The following FHIT variants were observed in gnomAD, a reference collection of about 807,000 sequenced individuals.
FHIT encodes fragile histidine triad diadenosine triphosphatase, also known as bis(5'-adenosyl)-triphosphatase.
FHIT carries 19 observed loss-of-function variants against 17.9 expected under a neutral mutation model. That is an observed-to-expected ratio of 1.06 (90% CI 0.74 to 1.56). The LOEUF is 1.56. Ranked by LOEUF, FHIT falls within the 40% of genes most tolerant of loss-of-function variation. FHIT has a pLI of 0.00. For synonymous variants in FHIT, 81 were observed against 69.7 expected (o/e 1.16, Z -0.81); for missense variants, 248 against 189.2 (o/e 1.31, Z -1.82).
At chr3:61,115,057 C>T (rs935604661) in intron 2 of FHIT, among the ~76,000 whole-genome samples, 14 of 152,170 alleles carry the variant, frequency 9.2e-5, no homozygotes, top group African/African-American at 2.4e-4. Flanking sequence ...CCTTTCCATC[C>T]GGAACAGATA....
chr3:60,623,200 T>C (rs1186473858), intron 4 of FHIT, among the ~76,000 whole-genome samples: 7 of 152,354 alleles, frequency 4.6e-5, no homozygotes, highest in Admixed American at 4.6e-4. Flanking sequence ...ATTGCGTGGC[T>C]GATCTATTTG....
rs1479977944 is a variant in FHIT at position 59,934,895 on chromosome 3, C to T, written c.280-12481G>A. 5.9e-5 allele frequency among the ~76,000 whole-genome samples: 9 copies of T among 152,264 alleles called. 1 individual carries two copies. The East Asian group carries it at 1.7e-3, about 29-fold the overall frequency. ...TGACACATGGGGATTATGGGAACTACAATTCAAGATGAGATTTGGGTGCGG... is the reference window on the plus strand; with the variant it reads ...TGACACATGGGGATTATGGGAACTATAATTCAAGATGAGATTTGGGTGCGG... On this transcript the variant is annotated intron_variant, in intron 7 of 9. Transcript: ENST00000492590.
intron 5 of FHIT, among the ~76,000 whole-genome samples, chr3:60,405,063 G>C (rs1701801155): frequency 6.6e-6 from 1 of 152,156 alleles, no homozygotes; most frequent in South Asian, 2.1e-4. Context: ...GGCCACAGGA[G>C]GCAGCCAAAT....
intron 7 of FHIT, among the ~76,000 whole-genome samples, chr3:59,988,996 C>G (rs1170797857): frequency 6.6e-6 from 1 of 152,014 alleles, no homozygotes; most frequent in Non-Finnish European, 1.5e-5. Flanking sequence ...TTTTTAGATT[C>G]TCTAGATTAT....
At chr3:59,889,569 A>C (rs1397595470) in intron 8 of FHIT, among the ~76,000 whole-genome samples, 2 of 152,222 alleles carry the variant, frequency 1.3e-5, no homozygotes, top group Non-Finnish European at 2.9e-5. Flanking sequence ...TACCCTCCTT[A>C]TAACAGAGAG....
At chr3:61,163,377 G>A (rs994905971) in intron 2 of FHIT, among the ~76,000 whole-genome samples, 1 of 152,120 alleles carries the variant, frequency 6.6e-6, no homozygotes, top group Non-Finnish European at 1.5e-5. Flanking sequence ...GACCATATCC[G>A]GTTTTACATA....
intron 4 of FHIT, among the ~76,000 whole-genome samples, chr3:60,672,238 C>A (rs186428821): frequency 6.6e-6 from 1 of 152,194 alleles, no homozygotes; most frequent in East Asian, 1.9e-4. Flanking sequence ...ACCAAACAGG[C>A]TTTGTGTGAG....
chr3:61,059,050 C>A (rs1180557599), intron 2 of FHIT, among the ~76,000 whole-genome samples: 9 of 152,196 alleles, frequency 5.9e-5, no homozygotes, highest in Admixed American at 2.6e-4. Flanking sequence ...TTTATTCCTC[C>A]AGGTTCCCCA....
At chr3:60,775,481 G>C (rs1700190020) in intron 4 of FHIT, among the ~76,000 whole-genome samples, 1 of 152,070 alleles carries the variant, frequency 6.6e-6, no homozygotes, top group Non-Finnish European at 1.5e-5. Flanking sequence ...AGCCTTGGGA[G>C]ACTCCCTCTT....
chr3:60,716,892 T>C (rs1038881198), intron 4 of FHIT, among the ~76,000 whole-genome samples: 9 of 152,182 alleles, frequency 5.9e-5, no homozygotes, highest in Admixed American at 1.3e-4. Context: ...CACCCTCATA[T>C]CTGCAGTCTG....
At chr3:60,224,029 T>C (rs1319617547) in intron 5 of FHIT, among the ~76,000 whole-genome samples, 3 of 152,166 alleles carry the variant, frequency 2.0e-5, no homozygotes, top group African/African-American at 4.8e-5. Flanking sequence ...CTCCCCTCCA[T>C]ATAGTGTGAA....
At chr3:61,065,112 C>A (rs79984371) in intron 2 of FHIT, among the ~76,000 whole-genome samples, 2 of 152,090 alleles carry the variant, frequency 1.3e-5, no homozygotes, top group Non-Finnish European at 2.9e-5. Context: ...AAAAAAAAGA[C>A]ACATGAAGAT....
Position 60,707,157 on chromosome 3 carries a change from C to T in FHIT, c.-18+114762G>A, listed in dbSNP as rs576082604. Among the ~76,000 whole-genome samples the T allele has an allele frequency of 2.6e-3, 398 of 152,268 alleles. 2 individuals are homozygous for T. The highest frequency in any genetic ancestry group is 9.3e-3 in the African/African-American group (386 of 41,558). ...AAGTGGCAGGGAATGGAATAGGAAA[C>T]GAGTCCCTTTAGTAGCTCCAAAAAG... On this transcript the variant is annotated intron_variant, in intron 4 of 9. Coordinates refer to ENST00000492590, the MANE Select transcript of FHIT (RefSeq NM_002012.4).
intron 8 of FHIT, among the ~76,000 whole-genome samples, chr3:59,908,491 C>T (rs1165892178): frequency 6.6e-6 from 1 of 152,056 alleles, no homozygotes; most frequent in Non-Finnish European, 1.5e-5. Context: ...ATGTAGGAGG[C>T]CAAAGGTCAC....
chr3:61,244,888 G>C (rs2040453308), intron 1 of FHIT, among the ~76,000 whole-genome samples: 1 of 152,094 alleles, frequency 6.6e-6, no homozygotes, highest in Non-Finnish European at 1.5e-5. Context: ...AGAATCCTGT[G>C]TCACATAAAA....
At chr3:61,013,401 C>T (rs564477465) in intron 3 of FHIT, among the ~76,000 whole-genome samples, 41 of 152,318 alleles carry the variant, frequency 2.7e-4, no homozygotes, top group African/African-American at 9.4e-4. Context: ...AGACTCATTA[C>T]AGCGTTCTTT....
intron 5 of FHIT, among the ~76,000 whole-genome samples, chr3:60,440,230 A>G (rs1261017000): frequency 6.6e-6 from 1 of 152,080 alleles, no homozygotes; most frequent in East Asian, 1.9e-4. Flanking sequence ...CAAACAAGTA[A>G]CTGGTATCTT....
At chr3:61,166,428 T>C (rs1259729264) in intron 2 of FHIT, among the ~76,000 whole-genome samples, 1 of 152,238 alleles carries the variant, frequency 6.6e-6, no homozygotes, top group Non-Finnish European at 1.5e-5. Context: ...CCAGACACAC[T>C]GTAGAGTAAA....
intron 4 of FHIT, among the ~76,000 whole-genome samples, chr3:60,657,924 T>C (rs1396771527): frequency 2.0e-5 from 3 of 152,160 alleles, no homozygotes; most frequent in African/African-American, 7.2e-5. Flanking sequence ...TTTTTTCCAA[T>C]TTTTTTGTGG....
Sources: gnomAD v4.1 joint callset for allele counts (sites outside exome capture counted in the v4.1 genomes callset) on GRCh38, gnomAD v4.1.1 for gene constraint, MANE v1.5 for transcripts, NCBI Gene and HGNC (gene_info 2026-07-23, HGNC 2026-07-21) for gene names.